STK33: variants seen among roughly 807,000 people sequenced by gnomAD.
The protein encoded by STK33 is serine/threonine kinase 33.
A neutral mutation model predicts 58.0 loss-of-function variants in STK33; 52 were observed. The observed-to-expected ratio is 0.90, with a 90% CI of 0.72 to 1.13. The LOEUF is 1.13. Ranked by LOEUF, STK33 falls within the 50% of genes most tolerant of loss-of-function variation. STK33 has a pLI of 0.00. For missense variants in STK33, 630 were observed against 604.2 expected (o/e 1.04, Z -0.45); for synonymous variants, 215 against 200.1 (o/e 1.07, Z -0.63).
At chr11:8,405,757 C>T (rs12289586) in intron 15 of STK33, among the ~76,000 whole-genome samples, 92,848 of 151,780 alleles carry the variant, frequency 0.61, 29,391 homozygotes, top group African/African-American at 0.77. Flanking sequence ...CAAATTTCAT[C>T]TTCCCTCATA....
chr11:8,377,543 C>T, the STK33 span, among the ~76,000 whole-genome samples: 1 of 152,144 alleles, frequency 6.6e-6, no homozygotes, highest in African/African-American at 2.4e-5. Context: ...GTGAAACATT[C>T]CCCCTGAGAA....
intron 1 of STK33, among the ~76,000 whole-genome samples, chr11:8,511,994 T>C (rs951820994): frequency 1.3e-5 from 2 of 152,178 alleles, no homozygotes; most frequent in African/African-American, 4.8e-5. Context: ...CAAAGAAAGC[T>C]ACTTATAAAG....
chr11:8,460,691 A>G (rs971195453), intron 8 of STK33, among the ~76,000 whole-genome samples: 1 of 152,012 alleles, frequency 6.6e-6, no homozygotes, highest in African/African-American at 2.4e-5. Flanking sequence ...CCCGAACACA[A>G]AAAAAAACAT....
At chr11:8,427,331 G>A (rs1225561763) in intron 14 of STK33, among the ~76,000 whole-genome samples, 3 of 152,102 alleles carry the variant, frequency 2.0e-5, no homozygotes, top group Admixed American at 1.3e-4. Context: ...TGAAAAGTAG[G>A]ATGTCAATGT....
intron 15 of STK33, among the ~76,000 whole-genome samples, chr11:8,406,211 A>G (rs1428260503): frequency 6.6e-6 from 1 of 151,434 alleles, no homozygotes; most frequent in African/African-American, 2.4e-5. Context: ...TAGACTCCCA[A>G]TTTTGTTCTA....
chr11:8,350,484 C>T, the STK33 span, among the ~76,000 whole-genome samples: 1 of 152,178 alleles, frequency 6.6e-6, no homozygotes, highest in Admixed American at 6.5e-5. Flanking sequence ...CCCTCTGGGG[C>T]ACACAACAGG....
chr11:8,559,089 T>C (rs1005296656), intron 1 of STK33, among the ~76,000 whole-genome samples: 5 of 152,178 alleles, frequency 3.3e-5, no homozygotes, highest in African/African-American at 1.2e-4. Flanking sequence ...CTTGCCTCCA[T>C]GAAACTACAA....
the STK33 span, among the ~76,000 whole-genome samples, chr11:8,341,915 C>T: frequency 6.6e-6 from 1 of 152,230 alleles, no homozygotes; most frequent in South Asian, 2.1e-4. Flanking sequence ...CTGCCAGGCA[C>T]AGCAAAGCCA....
intron 1 of STK33, among the ~76,000 whole-genome samples, chr11:8,484,635 C>G (rs1950076800): frequency 6.6e-6 from 1 of 152,160 alleles, no homozygotes; most frequent in Admixed American, 6.5e-5. Flanking sequence ...GCAAAGAGAA[C>G]ATTTTAATTT....
the STK33 span, among the ~76,000 whole-genome samples, chr11:8,384,919 C>T: frequency 6.6e-6 from 1 of 152,182 alleles, no homozygotes; most frequent in Non-Finnish European, 1.5e-5. Flanking sequence ...TATTTTTCTA[C>T]AATCTCTCGT....
At chr11:8,536,972 A>ATCTTT (rs1955070178) in intron 1 of STK33, among the ~76,000 whole-genome samples, 76 of 65,740 alleles carry the variant, frequency 1.2e-3, no homozygotes, top group East Asian at 1.7e-3. Flanking sequence ...AAAAAAAAAG[A>ATCTTT]TTTTTTTTTT....
chr11:8,474,234 T>C (rs1318190047), intron 5 of STK33, among the ~76,000 whole-genome samples: 2 of 152,244 alleles, frequency 1.3e-5, no homozygotes, highest in East Asian at 1.9e-4. Context: ...CATAGATTAT[T>C]TGTAACTAAT....
chr11:8,469,817 G>A (rs887982054), intron 6 of STK33, among the ~76,000 whole-genome samples: 3 of 152,252 alleles, frequency 2.0e-5, no homozygotes, highest in Admixed American at 1.3e-4. Context: ...GAGCTCTTGG[G>A]TGACCAGGCG....
At chr11:8,544,214 T>C (rs1955736065) in intron 1 of STK33, among the ~76,000 whole-genome samples, 1 of 151,318 alleles carries the variant, frequency 6.6e-6, no homozygotes, top group Non-Finnish European at 1.5e-5. Flanking sequence ...CCTGTGTCCA[T>C]GTGTTCTCAT....
In STK33 at chr11:8,452,886, C is replaced by A. The variant is rs557756682; in HGVS notation, c.807G>T (p.Ala269=). ...LNIKVTDFGL[A]VKKQSRSEAM... ...CTTCACTCCTACTTTGCTTCTTCAC[C>A]GCTAAGCCAAAATCAGTCACCTGGG... is the stretch of plus-strand genomic sequence containing the variant. Residue 269 remains alanine, a synonymous_variant, in exon 11 of 16, where the codon GCG becomes GCT. Coordinates refer to ENST00000687296, the MANE Select transcript of STK33 (RefSeq NM_001352389.2). 6.2e-7 allele frequency: 1 copy of A among 1,614,016 alleles called. No individual in the cohort carries two copies.
chr11:8,546,871 T>C (rs1042289200), intron 1 of STK33, among the ~76,000 whole-genome samples: 2 of 152,248 alleles, frequency 1.3e-5, no homozygotes, highest in Admixed American at 1.3e-4. Flanking sequence ...TCTTGGCTAC[T>C]GTAAATAGTG....
chr11:8,512,289 T>C (rs928220609), intron 1 of STK33, among the ~76,000 whole-genome samples: 4 of 152,158 alleles, frequency 2.6e-5, no homozygotes, highest in African/African-American at 9.7e-5. Flanking sequence ...ACCTAATTTA[T>C]ATAAGATCTC....
intron 1 of STK33, among the ~76,000 whole-genome samples, chr11:8,499,382 T>A (rs529754310): frequency 1.3e-5 from 2 of 152,252 alleles, no homozygotes; most frequent in South Asian, 4.1e-4. Context: ...TACCATCTCA[T>A]GCCAGTTAGA....
intron 1 of STK33, among the ~76,000 whole-genome samples, chr11:8,494,847 G>C (rs1375007814): frequency 3.9e-5 from 6 of 152,138 alleles, no homozygotes; most frequent in African/African-American, 7.2e-5. Flanking sequence ...AATGGGGAAA[G>C]GATTCCCTAT....
Sources: allele counts gnomAD v4.1 joint callset (sites outside exome capture counted in the v4.1 genomes callset), GRCh38; gene constraint gnomAD v4.1.1; transcripts MANE v1.5; gene names NCBI Gene and HGNC (gene_info 2026-07-23, HGNC 2026-07-21).